CRB1: variants seen among roughly 807,000 people sequenced by gnomAD.
CRB1 encodes the protein crumbs cell polarity complex component 1, also known as protein crumbs homolog 1.
A neutral mutation model predicts 120.0 loss-of-function variants in CRB1; 83 were observed. The observed-to-expected ratio is 0.69, with a 90% CI of 0.58 to 0.83. The LOEUF is 0.83. Among genes scored for constraint, CRB1 ranks in the 40% least tolerant of loss-of-function variants. The pLI, the probability that CRB1 is intolerant of heterozygous loss-of-function variation, is 0.00. For missense variants in CRB1, 1,699 were observed against 1,687.6 expected (o/e 1.01, Z -0.12); for synonymous variants, 625 against 612.5 (o/e 1.02, Z -0.30).
chr1:197,287,112 C>G (rs559173882), intron 1 of CRB1, among the ~76,000 whole-genome samples: 1 of 151,516 alleles, frequency 6.6e-6, no homozygotes, highest in African/African-American at 2.4e-5. Context: ...AAAATGAGTA[C>G]GTGGAATATG....
intron 1 of CRB1, among the ~76,000 whole-genome samples, chr1:197,308,884 G>A: frequency 6.6e-6 from 1 of 150,824 alleles, no homozygotes; most frequent in East Asian, 1.9e-4. Flanking sequence ...AGGATTTACA[G>A]TATCTACATA....
intron 5 of CRB1, among the ~76,000 whole-genome samples, chr1:197,403,855 T>C (rs777091105): frequency 3.3e-5 from 5 of 152,168 alleles, no homozygotes; most frequent in Non-Finnish European, 7.3e-5. Flanking sequence ...TAGTGTTTGC[T>C]AACAAAATAA....
chr1:197,353,935 G>A (rs1254590143), intron 4 of CRB1, among the ~76,000 whole-genome samples: 5 of 146,990 alleles, frequency 3.4e-5, no homozygotes, highest in African/African-American at 5.0e-5. Context: ...ATTTTGGGGC[G>A]AGCAGTATAC....
At chr1:197,264,720 C>G (rs1654594015), upstream of CRB1, among the ~76,000 whole-genome samples, 1 of 150,530 alleles carries the variant, frequency 6.6e-6, no homozygotes, top group Admixed American at 6.6e-5. Context: ...CTCCTGGGTT[C>G]AAGGGATTCT....
At chr1:197,453,928 A>G (rs1280552140) in intron 11 of CRB1, among the ~76,000 whole-genome samples, 1 of 40,570 alleles carries the variant, frequency 2.5e-5, no homozygotes, top group African/African-American at 1.1e-4. Context: ...TGATATTATT[A>G]TATTATTAAT....
chr1:197,400,937 C>T (rs1181490930), intron 5 of CRB1, among the ~76,000 whole-genome samples: 1 of 151,788 alleles, frequency 6.6e-6, no homozygotes, highest in African/African-American at 2.4e-5. Context: ...CTTTCCTTCC[C>T]TTCTTTTCCT....
chr1:197,222,886 A>G, the CRB1 span: 16 of 1,306,250 alleles, frequency 1.2e-5, no homozygotes, highest in Admixed American at 3.4e-5. Context: ...GGGAAGCATT[A>G]CAGGGAAGAC....
At chr1:197,453,935 T>C (rs1666145681) in intron 11 of CRB1, among the ~76,000 whole-genome samples, 1 of 30,796 alleles carries the variant, frequency 3.2e-5, no homozygotes, top group African/African-American at 1.4e-4. Flanking sequence ...ATTATATTAT[T>C]AATAATATAT....
chr1:197,287,242 T>C (rs557514404), intron 1 of CRB1, among the ~76,000 whole-genome samples: 2 of 151,954 alleles, frequency 1.3e-5, no homozygotes, highest in East Asian at 3.9e-4. Context: ...GAACCAAAAG[T>C]GGTTCTGGCC....
chr1:197,445,380 G>T (rs1041075217), intron 11 of CRB1, among the ~76,000 whole-genome samples: 1 of 152,200 alleles, frequency 6.6e-6, no homozygotes, highest in Non-Finnish European at 1.5e-5. Context: ...TAGGAAAATA[G>T]AGAGAATAGG....
chr1:197,427,902 C>T lies in CRB1; in HGVS notation c.2577C>T (p.Asn859=). The stretch of plus-strand genomic sequence containing the variant: ...GTATCCAAGATGTAAGACTAAACAA[C>T]CAAAATCTGGAATTCTTTCCAAATC... ...KGCIQDVRLN[N]QNLEFFPNPT... is the part of the protein sequence containing the mutation. The change falls in exon 7 of 12, where the codon AAC becomes AAT. Residue 859 remains asparagine, a synonymous_variant. Coordinates refer to ENST00000367400, the MANE Select transcript of CRB1 (RefSeq NM_201253.3). 1 of 1,613,990 alleles carries T rather than the reference C, an allele frequency of 6.2e-7. No individual in the cohort carries two copies. Among genetic ancestry groups the T allele is most frequent in the Non-Finnish European group, 8.5e-7 (1 of 1,179,962 alleles).
chr1:197,329,773 G>A (rs1658743560), intron 2 of CRB1, among the ~76,000 whole-genome samples: 2 of 152,158 alleles, frequency 1.3e-5, no homozygotes, highest in Middle Eastern at 3.4e-3. Flanking sequence ...ACTTGTAAGG[G>A]GGTAACTTAC....
chr1:197,397,552 A>T (rs1445806206), intron 5 of CRB1, among the ~76,000 whole-genome samples: 4 of 152,168 alleles, frequency 2.6e-5, no homozygotes, highest in African/African-American at 7.2e-5. Flanking sequence ...CGAAAACCTG[A>T]TAAGAACCCA....
chr1:197,286,559 T>G (rs1329991263), intron 1 of CRB1, among the ~76,000 whole-genome samples: 2 of 152,062 alleles, frequency 1.3e-5, no homozygotes, highest in East Asian at 3.9e-4. Context: ...ATTTCAACTT[T>G]CTGTCCAAAT....
chr1:197,466,258 A>G (rs544427361), intron 11 of CRB1, among the ~76,000 whole-genome samples: 2 of 152,338 alleles, frequency 1.3e-5, no homozygotes, highest in African/African-American at 2.4e-5. Context: ...AGGCTCTAGT[A>G]ATTTAATGCA....
chr1:197,445,171 C>T (rs997317140), intron 11 of CRB1, among the ~76,000 whole-genome samples: 33 of 152,256 alleles, frequency 2.2e-4, no homozygotes, highest in African/African-American at 7.5e-4. Flanking sequence ...ACCTAAATGA[C>T]AGAAATTTAC....
chr1:197,422,828 G>A (rs1416661467), intron 6 of CRB1: 1 of 152,064 alleles, frequency 6.6e-6, no homozygotes, highest in Non-Finnish European at 1.5e-5. Flanking sequence ...ACTTGAAGTA[G>A]GACAACATCT....
intron 5 of CRB1, among the ~76,000 whole-genome samples, chr1:197,396,464 T>C (rs1662777800): frequency 6.6e-6 from 1 of 152,088 alleles, no homozygotes; most frequent in Non-Finnish European, 1.5e-5. Context: ...TTGTAGAAAT[T>C]GATAGGCTGA....
the CRB1 span, among the ~76,000 whole-genome samples, chr1:197,220,534 G>T: frequency 2.0e-5 from 3 of 152,164 alleles, no homozygotes; most frequent in South Asian, 6.2e-4. Context: ...AAGAGCTTTA[G>T]GGAGCAAAGG....
Sources: gnomAD v4.1 joint callset for allele counts (sites outside exome capture counted in the v4.1 genomes callset) on GRCh38, gnomAD v4.1.1 for gene constraint, MANE v1.5 for transcripts, NCBI Gene and HGNC (gene_info 2026-07-23, HGNC 2026-07-21) for gene names.